Variants in PHACTR1 observed in about 807,000 individuals in gnomAD.
PHACTR1 encodes phosphatase and actin regulator 1, also known as RPEL repeat containing 1.
In PHACTR1, 16 loss-of-function variants were observed where a neutral mutation model predicts 69.2. That is an observed-to-expected ratio of 0.23 (90% CI 0.16 to 0.35). PHACTR1 has a LOEUF of 0.35. PHACTR1 is among the 10% of genes least tolerant of loss of function. The pLI is 1.00. For synonymous variants in PHACTR1, 312 were observed against 284.5 expected, an observed-to-expected ratio of 1.10 and a Z score of -0.97; for missense variants, 510 against 734.7, an observed-to-expected ratio of 0.69 and a Z score of 3.54.
chr6:13,045,362 G>A (rs1804850749), intron 4 of PHACTR1, among the ~76,000 whole-genome samples: 1 of 152,152 alleles, frequency 6.6e-6, no homozygotes, highest in African/African-American at 2.4e-5. Flanking sequence ...TATGGATGCT[G>A]TCATCATCAT....
At chr6:12,740,967 A>T (rs1283987949) in intron 3 of PHACTR1, among the ~76,000 whole-genome samples, 2 of 151,514 alleles carry the variant, frequency 1.3e-5, no homozygotes, top group African/African-American at 2.4e-5. Flanking sequence ...TTTTTGTTTC[A>T]TTTATTTTTC....
chr6:12,861,914 G>A (rs982210518), intron 4 of PHACTR1, among the ~76,000 whole-genome samples: 1 of 152,132 alleles, frequency 6.6e-6, no homozygotes, highest in Admixed American at 6.5e-5. Context: ...ATGAATGGAT[G>A]TGGGCATATA....
chr6:12,739,556 T>G (rs1764763751), intron 3 of PHACTR1, among the ~76,000 whole-genome samples: 1 of 152,144 alleles, frequency 6.6e-6, no homozygotes, highest in African/African-American at 2.4e-5. Context: ...TTATTTATTT[T>G]TGAGACAGGG....
At chr6:13,004,323 AC>A (rs2127631072) in intron 4 of PHACTR1, among the ~76,000 whole-genome samples, 1 of 152,102 alleles carries the variant, frequency 6.6e-6, no homozygotes, top group East Asian at 1.9e-4. Context: ...AGCCATTCTG[AC>A]TGGTGTGAGA....
intron 5 of PHACTR1, 99 bp downstream of exon 5, chr6:13,053,628 G>A: frequency 3.6e-6 from 5 of 1,377,662 alleles, no homozygotes; most frequent in Admixed American, 2.6e-5. Context: ...TGAACCAAAG[G>A]AGAAAAAATA....
intron 4 of PHACTR1, among the ~76,000 whole-genome samples, chr6:12,772,318 A>T (rs1769491498): frequency 6.6e-6 from 1 of 152,212 alleles, no homozygotes; most frequent in Admixed American, 6.5e-5. Context: ...AATTATTCAA[A>T]CAGCATTAAT....
chr6:13,242,413 G>A (rs1037033150), intron 10 of PHACTR1, among the ~76,000 whole-genome samples: 1 of 152,152 alleles, frequency 6.6e-6, no homozygotes, highest in Non-Finnish European at 1.5e-5. Flanking sequence ...CATGATTCTT[G>A]CACTTGTGTA....
rs76530042 is a variant in PHACTR1 at position 12,930,146 on chromosome 6, C to T, written c.251-123219C>T. On this transcript the variant is annotated intron_variant, in intron 4 of 14. Transcript: ENST00000332995. ...GCAGCCTTGACCTCCTTGGCTCAAG[C>T]GATTCTCCCACCCAGGCCTTCTGAG... 7.8e-3 allele frequency among the ~76,000 whole-genome samples: 1,187 copies of T among 151,870 alleles called. 20 individuals carry two copies. The highest frequency in any genetic ancestry group is 0.027 in the African/African-American group (1,101 of 41,402).
chr6:12,884,152 A>C (rs1783397384), intron 4 of PHACTR1, among the ~76,000 whole-genome samples: 1 of 152,190 alleles, frequency 6.6e-6, no homozygotes. Flanking sequence ...CTATGCAAAC[A>C]CATATACATA....
intron 4 of PHACTR1, among the ~76,000 whole-genome samples, chr6:12,991,359 T>C: frequency 6.6e-6 from 1 of 152,120 alleles, no homozygotes; most frequent in African/African-American, 2.4e-5. Context: ...TTAGCTTGTG[T>C]CTCCACAGGA....
chr6:12,875,195 T>C (rs1331622202), intron 4 of PHACTR1, among the ~76,000 whole-genome samples: 1 of 152,218 alleles, frequency 6.6e-6, no homozygotes, highest in Non-Finnish European at 1.5e-5. Flanking sequence ...AATTTACACA[T>C]GGACATTGTA....
At chr6:12,789,752 ATTTTTAT>A (rs1472714644) in intron 4 of PHACTR1, among the ~76,000 whole-genome samples, 1 of 151,026 alleles carries the variant, frequency 6.6e-6, no homozygotes, top group Non-Finnish European at 1.5e-5. Context: ...TTCTTTTTTT[ATTTTTAT>A]TTTTTATTTT....
intron 4 of PHACTR1, among the ~76,000 whole-genome samples, chr6:12,925,140 C>T (rs770719867): frequency 6.0e-4 from 92 of 152,160 alleles, no homozygotes; most frequent in African/African-American, 2.1e-3. Context: ...TATATACAAT[C>T]GAATATCTCA....
chr6:13,065,126 G>T (rs1349384756), intron 5 of PHACTR1, among the ~76,000 whole-genome samples: 2 of 152,150 alleles, frequency 1.3e-5, no homozygotes, highest in Non-Finnish European at 2.9e-5. Context: ...ACATTCAGAT[G>T]GAGGGCTCCT....
At chr6:12,854,625 T>C (rs558596756) in intron 4 of PHACTR1, among the ~76,000 whole-genome samples, 1 of 152,280 alleles carries the variant, frequency 6.6e-6, no homozygotes, top group South Asian at 2.1e-4. Context: ...GAGAAATTAT[T>C]TGCAAACTAT....
At chr6:13,012,275 T>C (rs914618539) in intron 4 of PHACTR1, among the ~76,000 whole-genome samples, 19 of 152,356 alleles carry the variant, frequency 1.2e-4, no homozygotes, top group Admixed American at 9.8e-4. Flanking sequence ...AGTAATTTAA[T>C]ATCCTCAGTG....
chr6:13,035,306 A>G (rs562752256), intron 4 of PHACTR1, among the ~76,000 whole-genome samples: 86 of 152,184 alleles, frequency 5.7e-4, no homozygotes, highest in Non-Finnish European at 1.1e-3. Flanking sequence ...TTGGCATCCA[A>G]TTAAGCCTGA....
intron 4 of PHACTR1, among the ~76,000 whole-genome samples, chr6:12,930,459 T>C (rs990438942): frequency 2.6e-5 from 4 of 152,306 alleles, no homozygotes; most frequent in African/African-American, 9.6e-5. Flanking sequence ...TGGATAATCA[T>C]TGTCTTTGTG....
At chr6:12,970,335 A>G (rs998229922) in intron 4 of PHACTR1, among the ~76,000 whole-genome samples, 3 of 152,254 alleles carry the variant, frequency 2.0e-5, no homozygotes, top group African/African-American at 7.2e-5. Flanking sequence ...AACATAGAAA[A>G]GAATGTGTCC....
Sources: allele counts gnomAD v4.1 joint callset (sites outside exome capture counted in the v4.1 genomes callset), GRCh38; gene constraint gnomAD v4.1.1; transcripts MANE v1.5; gene names NCBI Gene and HGNC (gene_info 2026-07-23, HGNC 2026-07-21).